Variants in DNAH1 observed in about 807,000 individuals in gnomAD.
The protein encoded by DNAH1 is axonemal beta dynein heavy chain 1.
In DNAH1, 327 loss-of-function variants were observed where a neutral mutation model predicts 484.3. That is an observed-to-expected ratio of 0.68 (90% CI 0.62 to 0.74). The LOEUF (loss-of-function observed/expected upper bound fraction) is 0.74, where lower values mean the gene tolerates loss of function less well. Among genes scored for constraint, DNAH1 ranks in the 30% least tolerant of loss-of-function variants. The probability of loss-of-function intolerance (pLI) is 0.00; values close to 1 mark genes in which losing one functional copy is unlikely to be tolerated. For synonymous variants in DNAH1, 2,192 were observed against 2,191.9 expected (o/e 1.00, Z 0.00); for missense variants, 5,052 against 5,546.8 (o/e 0.91, Z 2.83).
chr3:52,395,446 ATC>A lies in DNAH1; in HGVS notation c.11110_11111del (p.Ser3704ProfsTer80). On this transcript the variant is annotated frameshift_variant, in exon 69 of 78. Transcript: ENST00000420323. LOFTEE classifies it high-confidence loss of function. This position sits in a 1 kb window ranked among gnomAD's most constrained non-coding sequence, Gnocchi z 4.4. Reference protein sequence around the residue: ...EMKFSKKLSAISLGQGQGPRA... With the variant: ...EMKFSKKLSAXSLGQGQGPRA... ...GAAGTTCTCCAAAAAGCTCTCTGCCATCTCCCTGGGCCAGGGGCAGGTCAGGG... is the reference window on the plus strand; with the variant it reads ...GAAGTTCTCCAAAAAGCTCTCTGCCATCCCTGGGCCAGGGGCAGGTCAGGG... 6.2e-7 allele frequency: 1 copy of A among 1,613,900 alleles called. No homozygotes were observed. The highest frequency in any genetic ancestry group is 1.3e-5 in the African/African-American group (1 of 75,054).
chr3:52,395,373 A>G lies in DNAH1; in HGVS notation c.11034A>G (p.Ser3678=). ...NSTTPLIFVL[S]PGTDPAADLY... ...CCACACCCCTCATCTTTGTGCTGTCACCCGGCACAGACCCTGCTGCCGACC... is the reference window on the plus strand; with the variant it reads ...CCACACCCCTCATCTTTGTGCTGTCGCCCGGCACAGACCCTGCTGCCGACC... Residue 3678 remains serine, a synonymous_variant, in exon 69 of 78, where the codon TCA becomes TCG. Coordinates refer to ENST00000420323, the MANE Select transcript of DNAH1 (RefSeq NM_015512.5). This position sits in a 1 kb window ranked among gnomAD's most constrained non-coding sequence, Gnocchi z 4.4. The G allele has an allele frequency of 6.2e-7, 1 of 1,613,818 alleles. No homozygotes were observed. Among genetic ancestry groups the G allele is most frequent in the Non-Finnish European group, 8.5e-7 (1 of 1,179,872 alleles).
intron 10 of DNAH1, 110 bp downstream of exon 10, chr3:52,345,816 G>C (rs1009131597): frequency 1.8e-6 from 2 of 1,130,872 alleles, no homozygotes; most frequent in Admixed American, 4.7e-5. Context: ...CACATGGTGA[G>C]GCTGTGAGCC....
upstream of DNAH1, among the ~76,000 whole-genome samples, chr3:52,313,932 C>T (rs557674181): frequency 1.3e-5 from 2 of 152,116 alleles, no homozygotes; most frequent in African/African-American, 2.4e-5. Context: ...CCCGGTGAGT[C>T]ATCAGAATAA....
In DNAH1 at chr3:52,388,500, AG is replaced by A; in HGVS notation, c.9256del (p.Asp3086ThrfsTer22). Reference protein sequence around the residue: ...DEAKQRLREVEDGIATMQAKY... With the variant: ...DEAKQRLREVXDGIATMQAKY... ...GCAAAACAGCGCCTTCGTGAGGTGGAGGACGGCATCGCCACAATGCAGGCTA... is the reference window on the plus strand; with the variant it reads ...GCAAAACAGCGCCTTCGTGAGGTGGAGACGGCATCGCCACAATGCAGGCTA... On this transcript the variant is annotated frameshift_variant, in exon 58 of 78. Transcript: ENST00000420323. LOFTEE classifies it high-confidence loss of function. The A allele has an allele frequency of 6.2e-7, 1 of 1,612,716 alleles. No homozygotes were observed. Among genetic ancestry groups the A allele is most frequent in the Non-Finnish European group, 8.5e-7 (1 of 1,179,390 alleles).
chr3:52,385,235 G>A, intron 53 of DNAH1, 102 bp from the exon 54 acceptor site: 1 of 1,252,046 alleles, frequency 8.0e-7, no homozygotes, highest in Non-Finnish European at 1.1e-6. Flanking sequence ...CACCGAAGCT[G>A]CCGGCCACAG....
rs755582453 is a variant in DNAH1 at position 52,356,783 on chromosome 3, G to A, written c.3858+5G>A. ...AATGCCTACGAGAACCGGGAGGCAA[G>A]CTCAATGAGGGTGGGAGGGGCAGCT... On this transcript the variant is annotated splice_donor_5th_base_variant and intron_variant, in intron 22 of 77. Transcript: ENST00000420323. 6.3e-7 allele frequency: 1 copy of A among 1,595,746 alleles called. No individual in the cohort carries two copies. The highest frequency in any genetic ancestry group is 8.5e-7 in the Non-Finnish European group (1 of 1,170,886).
chr3:52,326,633 C>T, intron 4 of DNAH1, 102 bp from the exon 5 acceptor site: 2 of 1,410,710 alleles, frequency 1.4e-6, no homozygotes, highest in Non-Finnish European at 1.9e-6. Context: ...GGTCTCTCGG[C>T]CACACCCCTG....
At chr3:52,383,323 A>G (rs777038495) in intron 50 of DNAH1, 63 bp from the exon 51 acceptor site, 31 of 1,460,828 alleles carry the variant, frequency 2.1e-5, no homozygotes, top group Non-Finnish European at 2.9e-5. Context: ...AGGTCCAGCG[A>G]GACTGTGGTC....
chr3:52,349,633 T>C (rs1191555804), intron 14 of DNAH1, among the ~76,000 whole-genome samples: 3 of 152,246 alleles, frequency 2.0e-5, no homozygotes, highest in African/African-American at 7.2e-5. Context: ...AACGGGGGTT[T>C]CCACCTCCTT....
chr3:52,312,596 A>T (rs1027793397), upstream of DNAH1, among the ~76,000 whole-genome samples: 1 of 149,222 alleles, frequency 6.7e-6, no homozygotes, highest in African/African-American at 2.5e-5. Context: ...TCAGCCTCCC[A>T]TGTAGCTGGG....
chr3:52,314,517 G>A (rs551521781), upstream of DNAH1, among the ~76,000 whole-genome samples: 3 of 152,340 alleles, frequency 2.0e-5, no homozygotes, highest in African/African-American at 7.2e-5. Flanking sequence ...CCCCGATGTG[G>A]GTTGCTCTAT....
At chr3:52,316,274 A>T (rs947809013), upstream of DNAH1, 1 of 152,326 alleles carries the variant, frequency 6.6e-6, no homozygotes, top group East Asian at 1.9e-4. Context: ...TAGTGTGGGA[A>T]GTGCCAGGCA....
intron 4 of DNAH1, 50 bp downstream of exon 4, chr3:52,326,364 C>T (rs750251625): frequency 9.6e-6 from 15 of 1,566,738 alleles, no homozygotes; most frequent in South Asian, 9.2e-5. Flanking sequence ...GGCATCCACC[C>T]GCCTCAGGGG....
At position 52,388,172 on chromosome 3, in the gene DNAH1, C is replaced by T. The variant is rs1368133813; in HGVS notation, c.9009C>T (p.Asn3003=). ...ACCCAGGCTTCCCACCTCAGGACAA[C>T]ATTGGGGATGTGGTGATCAAAGCCA... ...LESLFKFDKD[N]IGDVVIKAIQ... Residue 3003 remains asparagine (N), a synonymous_variant, in exon 57 of 78, where the codon AAC becomes AAT. Transcript: ENST00000420323. 6.2e-7 allele frequency: 1 copy of T among 1,608,822 alleles called. No homozygotes were observed. Among genetic ancestry groups the T allele is most frequent in the South Asian group, 1.1e-5 (1 of 89,626 alleles).
chr3:52,354,630 C>T (rs986425296), intron 20 of DNAH1, among the ~76,000 whole-genome samples: 20 of 145,204 alleles, frequency 1.4e-4, no homozygotes, highest in African/African-American at 5.1e-4. Context: ...GAGACTCCAC[C>T]TCAGAAAAAA....
rs1207557146 is a variant in DNAH1 at position 52,364,467 on chromosome 3, A to C, written c.5245-171A>C. Among the ~76,000 whole-genome samples the C allele has an allele frequency of 6.6e-6, 1 of 152,164 alleles. No homozygotes were observed. Among genetic ancestry groups the C allele is most frequent in the East Asian group, 1.9e-4 (1 of 5,192 alleles). On this transcript the variant is annotated intron_variant, in intron 32 of 77. Transcript: ENST00000420323. The surrounding 1 kb of genome is among the most constrained non-coding windows in gnomAD (Gnocchi z 4.2). ...TGCAGGGTGCCCGGGGAGCCCAAAG[A>C]AGGTGCACCTGCCCAGGCTGGGCAT...
intron 50 of DNAH1, among the ~76,000 whole-genome samples, chr3:52,382,891 TG>T (rs1241781355): frequency 6.6e-6 from 1 of 152,226 alleles, no homozygotes; most frequent in Non-Finnish European, 1.5e-5. Context: ...TGGTCAGGGT[TG>T]GGCCCAGGGG....
chr3:52,321,473 G>A (rs1701146020), intron 1 of DNAH1, among the ~76,000 whole-genome samples: 1 of 151,382 alleles, frequency 6.6e-6, no homozygotes, highest in Non-Finnish European at 1.5e-5. Context: ...TTTATTTTTT[G>A]CACTAGCATT....
At chr3:52,329,794 C>T (rs1320618142) in intron 6 of DNAH1, among the ~76,000 whole-genome samples, 1 of 150,746 alleles carries the variant, frequency 6.6e-6, no homozygotes, top group Non-Finnish European at 1.5e-5. Flanking sequence ...CATTGCACTC[C>T]AGCCTGGGCA....
Sources: allele counts gnomAD v4.1 joint callset (sites outside exome capture counted in the v4.1 genomes callset), GRCh38; gene constraint gnomAD v4.1.1; non-coding constraint Gnocchi (gnomAD v3.1); transcripts MANE v1.5; gene names NCBI Gene and HGNC (gene_info 2026-07-23, HGNC 2026-07-21).